ERBIN: variants seen among roughly 807,000 people sequenced by gnomAD.
ERBIN encodes densin-180-like protein.
ERBIN carries 60 observed loss-of-function variants against 158.4 expected under a neutral mutation model. The ratio of observed to expected loss-of-function variants is 0.38; its 90% CI spans 0.31 to 0.47. The LOEUF (loss-of-function observed/expected upper bound fraction) is 0.47. Ranked by LOEUF, ERBIN falls within the 20% of genes least tolerant of loss-of-function variation. The probability of loss-of-function intolerance (pLI) is 0.99; values close to 1 mark genes in which losing one functional copy is unlikely to be tolerated. For missense variants in ERBIN, 1,610 were observed against 1,648.0 expected, an observed-to-expected ratio of 0.98 and a Z score of 0.40; for synonymous variants, 594 against 557.2, an observed-to-expected ratio of 1.07 and a Z score of -0.93.
chr5:66,049,079 CAT>C (rs1758761552), intron 19 of ERBIN, among the ~76,000 whole-genome samples: 1 of 151,930 alleles, frequency 6.6e-6, no homozygotes, highest in Admixed American at 6.6e-5. Context: ...TAATTTTATC[CAT>C]GTGTACATAT....
At chr5:66,037,122 TA>T (rs1439837148) in intron 14 of ERBIN, among the ~76,000 whole-genome samples, 6 of 152,152 alleles carry the variant, frequency 3.9e-5, no homozygotes, top group African/African-American at 1.2e-4. Flanking sequence ...TAAGGGGGCT[TA>T]TTTTTTTCTT....
At chr5:65,974,744 C>A (rs986490263) in intron 1 of ERBIN, among the ~76,000 whole-genome samples, 2 of 152,140 alleles carry the variant, frequency 1.3e-5, no homozygotes, top group Admixed American at 1.3e-4. Context: ...GGAATTGAAA[C>A]TGGATGATCA....
intron 4 of ERBIN, among the ~76,000 whole-genome samples, chr5:66,005,241 G>A (rs376583372): frequency 3.7e-4 from 57 of 152,228 alleles, no homozygotes; most frequent in African/African-American, 1.1e-3. Context: ...ATGACGGATC[G>A]GATGTGGGAT....
chr5:66,067,312 C>G (rs1339645401), intron 21 of ERBIN, among the ~76,000 whole-genome samples: 1 of 152,160 alleles, frequency 6.6e-6, no homozygotes, highest in Non-Finnish European at 1.5e-5. Flanking sequence ...CATTAGACGT[C>G]AACTTCAGAT....
At chr5:66,055,078 G>A in intron 21 of ERBIN, 127 bp downstream of exon 21, 1 of 1,414,172 alleles carries the variant, frequency 7.1e-7, no homozygotes, top group Non-Finnish European at 9.2e-7. Context: ...TCTGGTACTG[G>A]GAATAGAGTT....
rs1410570064 is a variant in ERBIN at position 66,054,284 on chromosome 5, A to G, written c.2966A>G (p.Asp989Gly). The change falls in exon 21 of 26, where the codon GAC becomes GGC. Residue 989 changes from aspartate to glycine, a missense_variant. Coordinates refer to ENST00000284037, the MANE Select transcript of ERBIN (RefSeq NM_001253697.2). ...IQYSSSAAVK[D>G]TLWHSKQNPQ... Reference sequence around the variant, plus strand: ...TACAGTAGCAGTGCTGCAGTCAAAGACACTTTGTGGCACTCCAAACAAAAT... The same window carrying G: ...TACAGTAGCAGTGCTGCAGTCAAAGGCACTTTGTGGCACTCCAAACAAAAT... 4 of 1,614,028 alleles carry G rather than the reference A, an allele frequency of 2.5e-6. No homozygotes were observed. The Admixed American group carries it at 6.7e-5, about 27-fold the overall frequency.
chr5:65,931,125 T>C (rs1222058047), intron 1 of ERBIN, among the ~76,000 whole-genome samples: 2 of 152,246 alleles, frequency 1.3e-5, no homozygotes, highest in African/African-American at 4.8e-5. Context: ...AAAAGCATAT[T>C]GAATGTAGTA....
chr5:65,989,323 C>T (rs908080485), intron 2 of ERBIN, among the ~76,000 whole-genome samples: 5 of 152,198 alleles, frequency 3.3e-5, no homozygotes, highest in African/African-American at 1.2e-4. Context: ...TATCAGTCAG[C>T]AGTTTTTAGT....
Position 66,024,312 on chromosome 5 carries a change from G to T in ERBIN, c.679G>T (p.Gly227Cys). The T allele has an allele frequency of 1.3e-6, 2 of 1,510,048 alleles. No individual in the cohort carries two copies. Among genetic ancestry groups the T allele is most frequent in the Non-Finnish European group, 1.8e-6 (2 of 1,108,514 alleles). 93.5% of individuals were successfully genotyped at this position (1,510,048 alleles called of 1,614,324 possible). A position where few individuals can be genotyped will look rare whatever the true frequency, so the allele number is the denominator to read the frequency against. Residue 227 changes from glycine to cysteine, a missense_variant, in exon 10 of 26, where the codon GGT becomes TGT. Gly to Cys is a radical substitution (Grantham distance 159, BLOSUM62 -3). Transcript: ENST00000284037. The part of the protein sequence containing the change: ...NRLTFIPGFI[G>C]SLKQLTYLDV... ...TTTCTTTTTTTACTTATAGTTTATTGGTAGTTTGAAACAGCTCACATATTT... is the reference window on the plus strand; with the variant it reads ...TTTCTTTTTTTACTTATAGTTTATTTGTAGTTTGAAACAGCTCACATATTT...
chr5:66,015,836 AAAAC>A (rs1272707257), intron 7 of ERBIN, among the ~76,000 whole-genome samples: 6 of 152,208 alleles, frequency 3.9e-5, no homozygotes, highest in Admixed American at 3.9e-4. Context: ...ACCCTGGCTC[AAAAC>A]AAACAAACAA....
chr5:66,029,746 A>C (rs529088773), intron 14 of ERBIN, among the ~76,000 whole-genome samples: 1 of 152,084 alleles, frequency 6.6e-6, no homozygotes, highest in Non-Finnish European at 1.5e-5. Context: ...CTGGGACTAC[A>C]GGCATGTGCC....
In ERBIN at chr5:66,053,989, G is replaced by A; in HGVS notation, c.2671G>A (p.Gly891Arg). 1 of 1,614,132 alleles carries A rather than the reference G, an allele frequency of 6.2e-7. No individual in the cohort carries two copies. Among genetic ancestry groups the A allele is most frequent in the Non-Finnish European group, 8.5e-7 (1 of 1,180,014 alleles). ...AATCTATGATATTCTTAGTGATAAT[G>A]GACCTCAGCAGCCAAGTACAACCGT... ...LKIYDILSDN[G>R]PQQPSTTVKI... Residue 891 changes from glycine to arginine, a missense_variant, in exon 21 of 26, where the codon GGA becomes AGA. Physicochemically the swap from Gly to Arg is moderately radical, Grantham distance 125. Coordinates refer to ENST00000284037, the MANE Select transcript of ERBIN (RefSeq NM_001253697.2).
chr5:66,059,175 G>T (rs1209718680), intron 21 of ERBIN, among the ~76,000 whole-genome samples: 2 of 152,096 alleles, frequency 1.3e-5, no homozygotes, highest in Non-Finnish European at 2.9e-5. Flanking sequence ...ATGAGTATGA[G>T]ATGTTCTTCC....
Position 66,046,470 on chromosome 5 carries a change from C to G in ERBIN, c.1720C>G (p.Pro574Ala). 1.2e-6 allele frequency: 2 copies of G among 1,611,448 alleles called. No homozygotes were observed. Among genetic ancestry groups the G allele is most frequent in the Non-Finnish European group, 1.7e-6 (2 of 1,178,398 alleles). The change falls in exon 18 of 26, where the codon CCA (proline) becomes GCA (alanine). Residue 574 changes from proline (P) to alanine (A), a missense_variant. Pro to Ala is a conservative substitution (Grantham distance 27). This residue lies in a region of ERBIN where 596 missense variants were observed against 711.9 expected (regional missense o/e 0.84). Transcript: ENST00000284037. ...PEAEISPGSL[P>A]VTANMKASEN... ...AGCTGAGATTAGTCCTGGGAGTTTA[C>G]CAGTGACTGCAAATATGAAAGCCTC...
intron 23 of ERBIN, among the ~76,000 whole-genome samples, chr5:66,075,732 GTC>G (rs1346910232): frequency 5.9e-5 from 9 of 152,044 alleles, no homozygotes; most frequent in African/African-American, 2.2e-4. Flanking sequence ...TTTTGGTTGT[GTC>G]TCTGGTGAAA....
At position 66,066,526 on chromosome 5, in the gene ERBIN, A is replaced by AAAAAAT. The variant is rs1381776843; in HGVS notation, c.3634-5638_3634-5637insTAAAAA. Among the ~76,000 whole-genome samples the AAAAAAT allele has an allele frequency of 3.9e-3, 580 of 147,116 alleles. 3 individuals are homozygous for AAAAAAT. The highest frequency in any genetic ancestry group is 0.015 in the African/African-American group (566 of 36,850). On this transcript the variant is annotated intron_variant, in intron 21 of 25. Transcript: ENST00000284037. ...TTAACCTCCCACTGCCAAAAATAAA[A>AAAAAAT]AAAAAAAAACAAAAAAAACTGTACC...
chr5:66,075,071 A>G lies in ERBIN; in HGVS notation c.3804A>G (p.Ala1268=), dbSNP rs765951093. 11 of 1,614,038 alleles carry G rather than the reference A, an allele frequency of 6.8e-6. No individual in the cohort carries two copies. In the South Asian group the frequency reaches 1.2e-4, roughly 18 times the overall value. Residue 1268 remains alanine, a synonymous_variant, in exon 23 of 26, where the codon GCA becomes GCG. Transcript: ENST00000284037. ...TGGGCCAGCCTCTCAGGCCTCAGGC[A>G]AATTATAGTCAAATACATCACCCCC... is the stretch of plus-strand genomic sequence containing the variant. ...GQMGQPLRPQ[A]NYSQIHHPPQ...
At chr5:66,021,511 G>A in intron 8 of ERBIN, 126 bp downstream of exon 8, 1 of 589,750 alleles carries the variant, frequency 1.7e-6, no homozygotes. Context: ...TACAAGATAT[G>A]AAATTTCTTA....
At chr5:65,934,451 T>G (rs1479459988) in intron 1 of ERBIN, among the ~76,000 whole-genome samples, 2 of 152,206 alleles carry the variant, frequency 1.3e-5, no homozygotes, top group Non-Finnish European at 2.9e-5. Flanking sequence ...TTGACACTTT[T>G]GAAGATCTGA....
Sources: allele counts gnomAD v4.1 joint callset (sites outside exome capture counted in the v4.1 genomes callset), GRCh38; gene constraint gnomAD v4.1.1; regional missense constraint gnomAD v4.1.1; transcripts MANE v1.5; gene names NCBI Gene and HGNC (gene_info 2026-07-23, HGNC 2026-07-21).